The following SPEF2 variants were observed in gnomAD, a reference collection of about 807,000 sequenced individuals.
The protein encoded by SPEF2 is sperm flagella and cilia-associated protein 2.
In SPEF2, 187 loss-of-function variants were observed where a neutral mutation model predicts 224.6. The observed-to-expected ratio is 0.83, with a 90% CI of 0.74 to 0.94. SPEF2 has a LOEUF of 0.94. SPEF2 is among the 40% of genes least tolerant of loss of function. SPEF2 has a pLI of 0.00. For missense variants in SPEF2, 2,170 were observed against 2,135.6 expected (o/e 1.02, Z -0.32); for synonymous variants, 715 against 707.3 (o/e 1.01, Z -0.17).
chr5:35,704,736 C>A, intron 17 of SPEF2, 74 bp downstream of exon 17: 1 of 879,258 alleles, frequency 1.1e-6, no homozygotes, highest in Non-Finnish European at 1.9e-6. Context: ...TTGGAATCAT[C>A]AGATCTAGAA....
In SPEF2 at chr5:35,618,176, T is replaced by C. The variant is rs951418065; in HGVS notation, c.58+121T>C. The C allele has an allele frequency of 2.5e-5, 27 of 1,074,120 alleles. 1 individual carries two copies. The South Asian group carries it at 3.8e-4, about 15-fold the overall frequency. 66.5% of individuals were successfully genotyped at this position (1,074,120 alleles called of 1,614,324 possible). On this transcript the variant is annotated intron_variant, in intron 1 of 36. Transcript: ENST00000356031. ...GCGCGAGCTGCACAGGTGGGGCACC[T>C]GCGTAGCCGGCAGCATCCCACAGTG... is the stretch of plus-strand genomic sequence containing the variant.
At chr5:35,642,428 C>A (rs969037271) in intron 3 of SPEF2, among the ~76,000 whole-genome samples, 1 of 152,140 alleles carries the variant, frequency 6.6e-6, no homozygotes, top group Non-Finnish European at 1.5e-5. Context: ...TCCTTTGGAA[C>A]TCTAGAGCAT....
chr5:35,693,422 G>A (rs116697964), intron 12 of SPEF2, among the ~76,000 whole-genome samples: 1,563 of 152,238 alleles, frequency 0.01, 13 homozygotes, highest in Non-Finnish European at 0.016. Context: ...ATCTATATTA[G>A]TAGATCTCAA....
At chr5:35,722,475 TC>T (rs1446085691) in intron 20 of SPEF2, among the ~76,000 whole-genome samples, 1 of 150,808 alleles carries the variant, frequency 6.6e-6, no homozygotes, top group East Asian at 1.9e-4. Context: ...GTTTTTTTTT[TC>T]AAGGTTTTTT....
intron 10 of SPEF2, among the ~76,000 whole-genome samples, chr5:35,683,573 C>T (rs1198652329): frequency 6.6e-6 from 1 of 152,170 alleles, no homozygotes; most frequent in East Asian, 1.9e-4. Context: ...TACAGTTAGC[C>T]AAGATCGCGC....
At chr5:35,793,874 G>T (rs917053079) in intron 32 of SPEF2, among the ~76,000 whole-genome samples, 1 of 152,134 alleles carries the variant, frequency 6.6e-6, no homozygotes, top group South Asian at 2.1e-4. Flanking sequence ...AGAGAGAAAT[G>T]TCCAATCTAA....
rs1279301738 is a variant in SPEF2 at position 35,617,909 on chromosome 5, C to T, written c.-89C>T. 2 of 1,309,346 alleles carry T rather than the reference C, an allele frequency of 1.5e-6. No individual in the cohort carries two copies. The highest frequency in any genetic ancestry group is 1.5e-5 in the African/African-American group (1 of 68,270). The allele number at this position is 1,309,346 out of a possible 1,614,324, so 81.1% of individuals were successfully genotyped here. On this transcript the variant is annotated 5_prime_UTR_variant, in exon 1 of 37. Coordinates refer to ENST00000356031, the MANE Select transcript of SPEF2 (RefSeq NM_024867.4). ...GATACGCTTCCATAGCAAAGGGTTG[C>T]CCTTGGCTACAGGAGGACGCGGGCT...
rs1554053681 is a variant in SPEF2 at position 35,769,989 on chromosome 5, A to ATATCTGTGTGTGTG, written c.3802-1619_3802-1618insATCTGTGTGTGTGT. On this transcript the variant is annotated intron_variant, in intron 26 of 36. Transcript: ENST00000356031. ...ACCCTGTGTTGCTACTGCCTCCATA[A>ATATCTGTGTGTGTG]TGTGTGTGTGTGTGTGTGTGTGTGT... Among the ~76,000 whole-genome samples the ATATCTGTGTGTGTG allele has an allele frequency of 2.1e-3, 302 of 142,352 alleles. 2 individuals carry two copies. The highest frequency in any genetic ancestry group is 5.3e-3 in the African/African-American group (198 of 37,648). The allele number at this position is 142,352 out of a possible 152,430, so 93.4% of individuals were successfully genotyped here.
chr5:35,630,576 G>A (rs918248478), intron 2 of SPEF2, among the ~76,000 whole-genome samples: 1 of 152,102 alleles, frequency 6.6e-6, no homozygotes, highest in Non-Finnish European at 1.5e-5. Context: ...GGCGTCTGTA[G>A]TCCCAGCTAC....
intron 29 of SPEF2, among the ~76,000 whole-genome samples, chr5:35,777,051 A>G (rs145957813): frequency 3.9e-5 from 6 of 152,320 alleles, no homozygotes; most frequent in East Asian, 1.9e-4. Flanking sequence ...GGCTTCATCT[A>G]TACAAGGAAA....
chr5:35,773,564 G>T (rs895557215), intron 27 of SPEF2, among the ~76,000 whole-genome samples: 3 of 152,116 alleles, frequency 2.0e-5, no homozygotes, highest in Non-Finnish European at 2.9e-5. Flanking sequence ...GCACTATGTG[G>T]GGATTTGCTA....
At chr5:35,773,322 T>C (rs1284762487) in intron 27 of SPEF2, among the ~76,000 whole-genome samples, 1 of 152,098 alleles carries the variant, frequency 6.6e-6, no homozygotes, top group Non-Finnish European at 1.5e-5. Context: ...CGAGGCTGCA[T>C]TGAACCATGA....
chr5:35,697,139 T>C (rs1317183125), intron 14 of SPEF2, among the ~76,000 whole-genome samples: 2 of 152,214 alleles, frequency 1.3e-5, no homozygotes, highest in African/African-American at 4.8e-5. Flanking sequence ...GAATAGACTC[T>C]AGGGAAGTTC....
chr5:35,648,867 A>G (rs1299752993), intron 5 of SPEF2, among the ~76,000 whole-genome samples: 1 of 152,076 alleles, frequency 6.6e-6, no homozygotes. Context: ...TACAAAAGTT[A>G]GCCGGTTGTG....
At chr5:35,736,919 A>C (rs966469829) in intron 21 of SPEF2, among the ~76,000 whole-genome samples, 2 of 29,938 alleles carry the variant, frequency 6.7e-5, no homozygotes, top group Non-Finnish European at 9.4e-5. Context: ...GCATCCAAAA[A>C]AATAAAAAAA....
intron 30 of SPEF2, among the ~76,000 whole-genome samples, chr5:35,780,497 C>A (rs1481289777): frequency 1.3e-5 from 2 of 152,080 alleles, no homozygotes; most frequent in Non-Finnish European, 2.9e-5. Context: ...TGCCATTTGG[C>A]AGCATTTGGG....
chr5:35,756,462 G>T (rs1750462049), intron 24 of SPEF2, among the ~76,000 whole-genome samples: 1 of 152,094 alleles, frequency 6.6e-6, no homozygotes, highest in Non-Finnish European at 1.5e-5. Flanking sequence ...AAAACCAGGG[G>T]TGAAAATTAC....
chr5:35,662,504 T>G (rs1749881906), intron 8 of SPEF2, among the ~76,000 whole-genome samples: 2 of 152,226 alleles, frequency 1.3e-5, no homozygotes, highest in African/African-American at 4.8e-5. Flanking sequence ...TCTTTGCCCG[T>G]GCTTATGTCC....
intron 21 of SPEF2, among the ~76,000 whole-genome samples, chr5:35,739,461 C>T (rs1056633217): frequency 6.6e-6 from 1 of 152,220 alleles, no homozygotes; most frequent in Non-Finnish European, 1.5e-5. Context: ...TGGCTCAGTG[C>T]AAGCTCCGCC....
Sources: gnomAD v4.1 joint callset for allele counts (sites outside exome capture counted in the v4.1 genomes callset) on GRCh38, gnomAD v4.1.1 for gene constraint, MANE v1.5 for transcripts, NCBI Gene and HGNC (gene_info 2026-07-23, HGNC 2026-07-21) for gene names.